Variants in KDSR observed in about 807,000 individuals in gnomAD.
KDSR encodes the protein 3-dehydrosphinganine reductase.
A neutral mutation model predicts 41.3 loss-of-function variants in KDSR; 23 were observed. That is an observed-to-expected ratio of 0.56 (90% CI 0.40 to 0.79). The LOEUF (loss-of-function observed/expected upper bound fraction) is 0.79, where lower values mean the gene tolerates loss of function less well. Among genes scored for constraint, KDSR ranks in the 30% least tolerant of loss-of-function variants. KDSR has a pLI of 0.00. For missense variants in KDSR, 351 were observed against 416.8 expected, an observed-to-expected ratio of 0.84 and a Z score of 1.37; for synonymous variants, 138 against 151.7, an observed-to-expected ratio of 0.91 and a Z score of 0.66.
At chr18:63,365,563 T>C (rs1915111068) in intron 1 of KDSR, among the ~76,000 whole-genome samples, 1 of 152,200 alleles carries the variant, frequency 6.6e-6, no homozygotes, top group Non-Finnish European at 1.5e-5. Flanking sequence ...GACACAGCAT[T>C]TATTATCTCA....
intron 1 of KDSR, among the ~76,000 whole-genome samples, chr18:63,363,640 G>C (rs1378734533): frequency 6.6e-6 from 1 of 151,972 alleles, no homozygotes; most frequent in African/African-American, 2.4e-5. Context: ...ATTTGGGTTG[G>C]TTGAATCTTA....
rs543172880 is a variant in KDSR, at chr18:63,361,073, C to T, written c.199-1281G>A. On this transcript the variant is annotated intron_variant, in intron 2 of 9. Coordinates refer to ENST00000645214, the MANE Select transcript of KDSR (RefSeq NM_002035.4). ...TTTTATATATATGTAAATATATATACACACACACACACACACAAATCAGCC... is the reference window on the plus strand; with the variant it reads ...TTTTATATATATGTAAATATATATATACACACACACACACACAAATCAGCC... Among the ~76,000 whole-genome samples, 44 of 94,374 alleles carry T rather than the reference C, an allele frequency of 4.7e-4. 1 individual carries two copies. The highest frequency in any genetic ancestry group is 4.8e-4 in the Admixed American group (4 of 8,270). The allele number at this position is 94,374 out of a possible 152,430, so 61.9% of individuals were successfully genotyped here.
At chr18:63,346,074 G>A (rs892999766) in intron 6 of KDSR, 1 of 152,032 alleles carries the variant, frequency 6.6e-6, no homozygotes, top group Non-Finnish European at 1.5e-5. Flanking sequence ...AGCTTCAAGG[G>A]GAAGGAGAAG....
intron 5 of KDSR, among the ~76,000 whole-genome samples, chr18:63,354,314 C>T (rs1219344542): frequency 6.6e-6 from 1 of 150,708 alleles, no homozygotes; most frequent in Non-Finnish European, 1.5e-5. Context: ...GACTCTGTCT[C>T]AAAAAAAAGG....
At chr18:63,362,185 G>A (rs1009721217) in intron 2 of KDSR, among the ~76,000 whole-genome samples, 13 of 152,258 alleles carry the variant, frequency 8.5e-5, no homozygotes, top group Non-Finnish European at 1.2e-4. Flanking sequence ...GACAGTTCAC[G>A]TGCACAGTGT....
At chr18:63,364,664 G>A (rs1459094211) in intron 1 of KDSR, among the ~76,000 whole-genome samples, 1 of 152,026 alleles carries the variant, frequency 6.6e-6, no homozygotes, top group Non-Finnish European at 1.5e-5. Context: ...GGCTGGTCTC[G>A]AACTCCTGAC....
chr18:63,334,286 C>T, intron 9 of KDSR, among the ~76,000 whole-genome samples: 1 of 151,994 alleles, frequency 6.6e-6, no homozygotes, highest in East Asian at 1.9e-4. Context: ...ACAACTATCC[C>T]ATGGCTTTGT....
intron 2 of KDSR, among the ~76,000 whole-genome samples, chr18:63,360,541 T>C (rs192085743): frequency 9.9e-5 from 15 of 152,272 alleles, no homozygotes; most frequent in East Asian, 1.9e-4. Context: ...TAAAGATACA[T>C]ACAGCTTGAC....
intron 1 of KDSR, among the ~76,000 whole-genome samples, chr18:63,365,148 T>G (rs1408420435): frequency 6.6e-6 from 1 of 152,252 alleles, no homozygotes; most frequent in Non-Finnish European, 1.5e-5. Flanking sequence ...ATATAGCTGT[T>G]GTTGGCCGGG....
intron 9 of KDSR, among the ~76,000 whole-genome samples, chr18:63,334,392 C>G (rs1341885409): frequency 5.3e-5 from 8 of 150,240 alleles, no homozygotes; most frequent in Non-Finnish European, 1.2e-4. Context: ...CCCTTGTAGC[C>G]TAGGCTGGAG....
intron 8 of KDSR, 95 bp from the exon 9 acceptor site, chr18:63,335,453 C>T (rs931527156): frequency 4.9e-6 from 4 of 822,898 alleles, no homozygotes; most frequent in Non-Finnish European, 8.1e-6. Flanking sequence ...TGCTCGTTCA[C>T]TTTAAGTGAG....
At chr18:63,362,092 A>G (rs1470517949) in intron 2 of KDSR, among the ~76,000 whole-genome samples, 1 of 152,206 alleles carries the variant, frequency 6.6e-6, no homozygotes, top group Non-Finnish European at 1.5e-5. Context: ...ACTACGTGTC[A>G]AGCACTAGAA....
At chr18:63,363,378 G>A (rs1347956901) in intron 1 of KDSR, among the ~76,000 whole-genome samples, 1 of 68,568 alleles carries the variant, frequency 1.5e-5, no homozygotes, top group Non-Finnish European at 2.6e-5. Context: ...CCCCTCCCCC[G>A]ACCCCACCAC....
In KDSR at chr18:63,335,278, A is replaced by G. The variant is rs746111032; in HGVS notation, c.858T>C (p.Ser286=). The change falls in exon 9 of 10, where the codon TCT becomes TCC. Residue 286 remains serine, a synonymous_variant. Coordinates refer to ENST00000645214, the MANE Select transcript of KDSR (RefSeq NM_002035.4). The part of the protein sequence containing the change: ...ALTCGMAPVT[S]ITEGLQQVVT... ...TTACCTGCTGGAGCCCCTCAGTAAT[A>G]GAAGTTACTGGAGCCATCCCACAGG... 2.6e-5 allele frequency: 42 copies of G among 1,612,364 alleles called. No individual in the cohort carries two copies. Among genetic ancestry groups the G allele is most frequent in the Non-Finnish European group, 3.5e-5 (41 of 1,178,470 alleles).
intron 7 of KDSR, among the ~76,000 whole-genome samples, chr18:63,343,227 T>C (rs998235426): frequency 6.6e-6 from 1 of 152,030 alleles, no homozygotes; most frequent in Non-Finnish European, 1.5e-5. Flanking sequence ...AATTCTAATT[T>C]TGCTTATTTT....
Position 63,367,167 on chromosome 18 carries a change from C to T in KDSR, c.-49G>A. On this transcript the variant is annotated 5_prime_UTR_variant, in exon 1 of 10. Coordinates refer to ENST00000645214, the MANE Select transcript of KDSR (RefSeq NM_002035.4). ...GAGCGGCCGGGCGGGGGCCGCCGGG[C>T]AAGGCGCGCAGGGCTGGGCTGCGGC... The T allele has an allele frequency of 9.7e-7, 1 of 1,025,800 alleles. No homozygotes were observed. The highest frequency in any genetic ancestry group is 1.7e-5 in the African/African-American group (1 of 59,796). 63.5% of individuals were successfully genotyped at this position (1,025,800 alleles called of 1,614,324 possible).
intron 1 of KDSR, among the ~76,000 whole-genome samples, chr18:63,364,414 T>C (rs938843007): frequency 1.3e-5 from 2 of 152,188 alleles, no homozygotes; most frequent in Admixed American, 1.3e-4. Context: ...ATATTATATA[T>C]TTCACTGAAT....
chr18:63,335,202 G>A, intron 9 of KDSR, 55 bp downstream of exon 9: 2 of 1,118,892 alleles, frequency 1.8e-6, no homozygotes, highest in Middle Eastern at 2.0e-4. Context: ...TTGATGAAAG[G>A]CAGTTTTTCT....
chr18:63,329,946 A>G lies in KDSR; in HGVS notation c.*1836T>C. The stretch of plus-strand genomic sequence containing the variant: ...TATAATCTGCAAACTTTGGCTCTGT[A>G]AGACTGAAAGATTTATGAAACCATT... On this transcript the variant is annotated 3_prime_UTR_variant, in exon 10 of 10. Coordinates refer to ENST00000645214, the MANE Select transcript of KDSR (RefSeq NM_002035.4). The G allele has an allele frequency of 5.3e-6, 1 of 190,332 alleles. No individual in the cohort carries two copies. The highest frequency in any genetic ancestry group is 6.1e-5 in the Admixed American group (1 of 16,312). The allele number at this position is 190,332 out of a possible 1,614,324, so 11.8% of individuals were successfully genotyped here.
Sources: allele counts gnomAD v4.1 joint callset (sites outside exome capture counted in the v4.1 genomes callset), GRCh38; gene constraint gnomAD v4.1.1; transcripts MANE v1.5; gene names NCBI Gene and HGNC (gene_info 2026-07-23, HGNC 2026-07-21).